Variants in PTK2B observed in about 807,000 individuals in gnomAD.
PTK2B encodes the protein protein-tyrosine kinase 2-beta.
PTK2B carries 71 observed loss-of-function variants against 142.9 expected under a neutral mutation model. The ratio of observed to expected loss-of-function variants is 0.50; its 90% CI spans 0.41 to 0.61. PTK2B has a LOEUF of 0.61. PTK2B is among the 20% of genes least tolerant of loss of function. The pLI is 0.00. For synonymous variants in PTK2B, 519 were observed against 503.4 expected (o/e 1.03, Z -0.42); for missense variants, 1,105 against 1,320.4 (o/e 0.84, Z 2.53).
intron 3 of PTK2B, among the ~76,000 whole-genome samples, chr8:27,314,562 ATAACTTTG>A (rs933215462): frequency 6.6e-6 from 1 of 152,238 alleles, no homozygotes; most frequent in Admixed American, 6.5e-5. Context: ...GGCCAAGTAA[ATAACTTTG>A]TAACTTTACT....
chr8:27,428,077 A>C (rs1810193935), intron 5 of PTK2B, among the ~76,000 whole-genome samples: 1 of 152,220 alleles, frequency 6.6e-6, no homozygotes, highest in African/African-American at 2.4e-5. Flanking sequence ...TAGACAGTCC[A>C]TCTGGATGTG....
At chr8:27,336,070 T>G (rs1442205760) in intron 1 of PTK2B, among the ~76,000 whole-genome samples, 1 of 151,968 alleles carries the variant, frequency 6.6e-6, no homozygotes, top group Non-Finnish European at 1.5e-5. Context: ...TGGCTGTAGG[T>G]GCAAATGGAC....
At chr8:27,366,842 G>T (rs1314457764) in intron 1 of PTK2B, among the ~76,000 whole-genome samples, 1 of 152,168 alleles carries the variant, frequency 6.6e-6, no homozygotes, top group Non-Finnish European at 1.5e-5. Flanking sequence ...CTGGGCTGGG[G>T]CAGGGGAGGG....
intron 1 of PTK2B, among the ~76,000 whole-genome samples, chr8:27,337,885 G>A (rs532007441): frequency 6.6e-5 from 10 of 152,304 alleles, no homozygotes; most frequent in African/African-American, 2.4e-4. Flanking sequence ...ATAGACTTAA[G>A]AGTGGAGTTG....
chr8:27,340,772 G>C (rs1563202069), intron 1 of PTK2B, among the ~76,000 whole-genome samples: 2 of 152,234 alleles, frequency 1.3e-5, no homozygotes, highest in Non-Finnish European at 1.5e-5. Flanking sequence ...GGAGGTGCCA[G>C]CCCTCCAGGG....
chr8:27,353,126 G>A (rs1586143891), intron 1 of PTK2B, among the ~76,000 whole-genome samples: 2 of 152,194 alleles, frequency 1.3e-5, no homozygotes, highest in East Asian at 3.9e-4. Context: ...GGATTAAAGG[G>A]GATTAATTGC....
chr8:27,339,202 G>C (rs1330178082), intron 1 of PTK2B, among the ~76,000 whole-genome samples: 1 of 152,228 alleles, frequency 6.6e-6, no homozygotes, highest in African/African-American at 2.4e-5. Flanking sequence ...CCTTGGTCCA[G>C]AGTTGTAAGT....
At chr8:27,428,858 T>C (rs924325385) in intron 5 of PTK2B, among the ~76,000 whole-genome samples, 2 of 152,206 alleles carry the variant, frequency 1.3e-5, no homozygotes, top group Non-Finnish European at 2.9e-5. Context: ...ATTAAGGATA[T>C]AGCGTTTTAC....
At chr8:27,390,621 A>C (rs545920881) in intron 1 of PTK2B, among the ~76,000 whole-genome samples, 1 of 152,278 alleles carries the variant, frequency 6.6e-6, no homozygotes, top group African/African-American at 2.4e-5. Context: ...AGCCTGAACA[A>C]CAGAGCAAGC....
intron 1 of PTK2B, among the ~76,000 whole-genome samples, chr8:27,338,225 A>G (rs926683499): frequency 6.6e-6 from 1 of 152,012 alleles, no homozygotes; most frequent in African/African-American, 2.4e-5. Context: ...TGTCAACAAT[A>G]TAACCACTCA....
chr8:27,387,518 C>T (rs1422525244), intron 1 of PTK2B, among the ~76,000 whole-genome samples: 2 of 152,208 alleles, frequency 1.3e-5, no homozygotes, highest in African/African-American at 4.8e-5. Context: ...GACTCACTCT[C>T]TCTTTGGTTT....
intron 18 of PTK2B, 139 bp from the exon 19 acceptor site, chr8:27,438,892 A>G (rs1810970793): frequency 4.0e-6 from 3 of 758,778 alleles, no homozygotes; most frequent in Non-Finnish European, 4.3e-6. Context: ...GACCCACAGA[A>G]GCTGCCCGAT....
chr8:27,439,827 T>C (rs1424417444), intron 20 of PTK2B, among the ~76,000 whole-genome samples: 1 of 152,142 alleles, frequency 6.6e-6, no homozygotes, highest in East Asian at 1.9e-4. Context: ...ATTACTCTCA[T>C]TTTCCTGTTA....
At chr8:27,376,858 A>C (rs1463219854) in intron 1 of PTK2B, among the ~76,000 whole-genome samples, 6 of 152,188 alleles carry the variant, frequency 3.9e-5, no homozygotes, top group Non-Finnish European at 8.8e-5. Context: ...AGCCTTCAAG[A>C]CTGCTGTGTC....
intron 2 of PTK2B, among the ~76,000 whole-genome samples, chr8:27,312,582 G>A (rs1437049396): frequency 2.0e-5 from 3 of 152,114 alleles, no homozygotes; most frequent in African/African-American, 7.2e-5. Context: ...ATTTTGGCAT[G>A]CAAACTTGTT....
Position 27,431,508 on chromosome 8 carries a change from G to A in PTK2B, c.885+36G>A, listed in dbSNP as rs781282861. The stretch of plus-strand genomic sequence containing the variant: ...CCGGGGCAGCCCCACCCAGCCCCAG[G>A]CGGGGAGGTCGTCCCCTCTCTGCTG... On this transcript the variant is annotated intron_variant, in intron 9 of 30. Coordinates refer to ENST00000346049, the MANE Select transcript of PTK2B (RefSeq NM_173176.3). 7 of 1,612,368 alleles carry A rather than the reference G, an allele frequency of 4.3e-6. No individual in the cohort carries two copies. In the South Asian group the frequency reaches 6.6e-5, roughly 15 times the overall value.
upstream of PTK2B, among the ~76,000 whole-genome samples, chr8:27,324,713 G>T (rs1803314771): frequency 6.6e-6 from 1 of 152,218 alleles, no homozygotes; most frequent in Admixed American, 6.5e-5. Flanking sequence ...AAAGAAGCTT[G>T]GGACAGGGGC....
chr8:27,349,817 A>G (rs764886496), intron 1 of PTK2B, among the ~76,000 whole-genome samples: 4 of 152,254 alleles, frequency 2.6e-5, no homozygotes, highest in African/African-American at 4.8e-5. Context: ...AAATCCTAAT[A>G]TTGTGACAAA....
chr8:27,427,633 T>C (rs1403524689), intron 5 of PTK2B, among the ~76,000 whole-genome samples: 1 of 152,246 alleles, frequency 6.6e-6, no homozygotes, highest in Non-Finnish European at 1.5e-5. Context: ...GAACTGTAGA[T>C]GACCAAGCTG....
Sources: gnomAD v4.1 joint callset for allele counts (sites outside exome capture counted in the v4.1 genomes callset) on GRCh38, gnomAD v4.1.1 for gene constraint, MANE v1.5 for transcripts, NCBI Gene and HGNC (gene_info 2026-07-23, HGNC 2026-07-21) for gene names.